ANKS1A: variants seen among roughly 807,000 people sequenced by gnomAD.
The protein encoded by ANKS1A is ankyrin repeat and sterile alpha motif domain containing 1A, also known as ankyrin repeat and SAM domain-containing protein 1A.
Under a neutral mutation model 120.3 loss-of-function variants are expected in ANKS1A, and 55 were observed. The ratio of observed to expected loss-of-function variants is 0.46; its 90% confidence interval spans 0.37 to 0.57. The LOEUF (loss-of-function observed/expected upper bound fraction) is 0.57. Among genes scored for constraint, ANKS1A ranks in the 20% least tolerant of loss-of-function variants. The pLI, the probability that ANKS1A is intolerant of heterozygous loss-of-function variation, is 0.00. For synonymous variants in ANKS1A, 590 were observed against 604.7 expected (o/e 0.98, Z 0.36); for missense variants, 1,123 against 1,480.3 (o/e 0.76, Z 3.96).
rs565028420 is a variant in ANKS1A, at chr6:35,084,734, C to T, written c.3132+476C>T. Among the ~76,000 whole-genome samples, 221 of 152,318 alleles carry T rather than the reference C, an allele frequency of 1.5e-3. 2 individuals are homozygous for T. Among genetic ancestry groups the T allele is most frequent in the African/African-American group, 5.0e-3 (209 of 41,574 alleles). On this transcript the variant is annotated intron_variant, in intron 21 of 23. Transcript: ENST00000360359. The surrounding 1 kb of genome is among the most constrained non-coding windows in gnomAD (Gnocchi z 4.8). ...GGCTGGGCCGCCTCCCAGAAATGCC[C>T]TCTACTTCCCTCTTAGGGGCAGTGG...
chr6:34,933,994 G>T (rs1046106317), intron 1 of ANKS1A, among the ~76,000 whole-genome samples: 5 of 152,158 alleles, frequency 3.3e-5, no homozygotes, highest in African/African-American at 1.2e-4. Context: ...GACGGGAGAA[G>T]AATGGAAGAA....
intron 3 of ANKS1A, among the ~76,000 whole-genome samples, chr6:34,971,103 A>G (rs1323795619): frequency 1.3e-5 from 2 of 152,230 alleles, no homozygotes; most frequent in Non-Finnish European, 2.9e-5. Flanking sequence ...TGTTTTACAT[A>G]CATCAGAACT....
chr6:34,921,292 G>A (rs1181986231), intron 1 of ANKS1A, among the ~76,000 whole-genome samples: 3 of 152,030 alleles, frequency 2.0e-5, no homozygotes, highest in Non-Finnish European at 2.9e-5. Context: ...ACACATTTTC[G>A]TTTGTTTTTT....
At chr6:35,004,356 C>CT (rs1401436492) in intron 10 of ANKS1A, among the ~76,000 whole-genome samples, 9 of 152,138 alleles carry the variant, frequency 5.9e-5, no homozygotes, top group African/African-American at 2.2e-4. Flanking sequence ...GGTGCAGTGG[C>CT]TTACTCCTGT....
intron 10 of ANKS1A, among the ~76,000 whole-genome samples, chr6:35,009,017 G>C (rs926067274): frequency 2.0e-5 from 3 of 152,168 alleles, no homozygotes; most frequent in African/African-American, 7.2e-5. Context: ...GGAACAAAGG[G>C]AACTTGTCAT....
chr6:34,990,650 G>A (rs1772455149), intron 9 of ANKS1A, among the ~76,000 whole-genome samples: 1 of 152,122 alleles, frequency 6.6e-6, no homozygotes. Flanking sequence ...ATTATACCCA[G>A]AACTTTCTAT....
intron 11 of ANKS1A, among the ~76,000 whole-genome samples, chr6:35,048,462 C>T (rs1775823520): frequency 6.6e-6 from 1 of 152,182 alleles, no homozygotes; most frequent in African/African-American, 2.4e-5. Flanking sequence ...TGCCATGCGC[C>T]TTTCCCCTCC....
intron 1 of ANKS1A, among the ~76,000 whole-genome samples, chr6:34,929,691 C>T (rs1337507235): frequency 6.6e-6 from 1 of 152,120 alleles, no homozygotes; most frequent in African/African-American, 2.4e-5. Context: ...CATAATCACA[C>T]TGCTAAAAAG....
At chr6:35,065,937 C>T (rs77184260) in intron 13 of ANKS1A, among the ~76,000 whole-genome samples, 1,862 of 152,322 alleles carry the variant, frequency 0.012, 35 homozygotes, top group African/African-American at 0.042. Flanking sequence ...ACCCTGCTCT[C>T]TATGAAGCTC....
intron 10 of ANKS1A, among the ~76,000 whole-genome samples, chr6:35,005,206 T>C (rs966755309): frequency 6.6e-6 from 1 of 152,182 alleles, no homozygotes; most frequent in South Asian, 2.1e-4. Context: ...TAAATTGCCC[T>C]CCCTTAATGG....
At chr6:34,914,545 A>C (rs1216688910) in intron 1 of ANKS1A, among the ~76,000 whole-genome samples, 2 of 152,184 alleles carry the variant, frequency 1.3e-5, no homozygotes, top group African/African-American at 4.8e-5. Context: ...GGCAAAAAGG[A>C]AACAGTTTTG....
At chr6:34,958,333 A>G (rs941116618) in intron 1 of ANKS1A, among the ~76,000 whole-genome samples, 1 of 152,102 alleles carries the variant, frequency 6.6e-6, no homozygotes, top group Non-Finnish European at 1.5e-5. Flanking sequence ...TGTCTTTTCT[A>G]TTGAATCTAT....
At chr6:34,931,936 A>G (rs985867360) in intron 1 of ANKS1A, among the ~76,000 whole-genome samples, 5 of 152,256 alleles carry the variant, frequency 3.3e-5, no homozygotes, top group African/African-American at 1.2e-4. Flanking sequence ...TAATGAGCAT[A>G]TATTACAGAT....
In ANKS1A at chr6:35,091,165, G is replaced by C; in HGVS notation, c.*2556G>C. On this transcript the variant is annotated 3_prime_UTR_variant, in exon 24 of 24. Coordinates refer to ENST00000360359, the MANE Select transcript of ANKS1A (RefSeq NM_015245.3). Reference sequence around the variant, plus strand: ...TATTTAATCTTTGTCTCTGTATTTTGATACTTGAATGACTTTCCCTTTTGT... The same window carrying C: ...TATTTAATCTTTGTCTCTGTATTTTCATACTTGAATGACTTTCCCTTTTGT... 3.0e-6 allele frequency: 3 copies of C among 985,868 alleles called. No homozygotes were observed. The highest frequency in any genetic ancestry group is 3.6e-6 in the Non-Finnish European group (3 of 829,936). The allele number at this position is 985,868 out of a possible 1,614,324, so 61.1% of individuals were successfully genotyped here.
chr6:34,972,384 G>A (rs1440791754), intron 3 of ANKS1A, among the ~76,000 whole-genome samples: 1 of 152,038 alleles, frequency 6.6e-6, no homozygotes, highest in East Asian at 1.9e-4. Context: ...CATTAATATG[G>A]TTCCAGTAGG....
At chr6:35,048,411 A>G (rs764336708) in intron 11 of ANKS1A, among the ~76,000 whole-genome samples, 4 of 152,182 alleles carry the variant, frequency 2.6e-5, no homozygotes, top group African/African-American at 4.8e-5. Flanking sequence ...CGCCTCGGCA[A>G]GGACAGCCCT....
rs890916891 is a variant in ANKS1A, at chr6:35,078,717, C to T, written c.2283+61C>T. On this transcript the variant is annotated intron_variant, in intron 14 of 23. Transcript: ENST00000360359. ...GGAGCCAGGGCCACCTCCCTAGCAC[C>T]ACCTGCACCAAGAACAGGGGAGGAG... is the stretch of plus-strand genomic sequence containing the variant. 7.4e-6 allele frequency: 11 copies of T among 1,483,186 alleles called. No individual in the cohort carries two copies. In the East Asian group the frequency reaches 2.3e-4, roughly 30 times the overall value. The allele number at this position is 1,483,186 out of a possible 1,614,324, so 91.9% of individuals were successfully genotyped here. A position where few individuals can be genotyped will look rare whatever the true frequency, so the allele number is the denominator to read the frequency against.
chr6:35,048,818 G>T (rs754446730), intron 11 of ANKS1A, among the ~76,000 whole-genome samples: 1 of 152,192 alleles, frequency 6.6e-6, no homozygotes, highest in African/African-American at 2.4e-5. Context: ...TGATGGGATC[G>T]GCACAGAGCA....
chr6:34,998,455 C>T (rs1169013744), intron 10 of ANKS1A, among the ~76,000 whole-genome samples: 2 of 152,112 alleles, frequency 1.3e-5, no homozygotes, highest in Non-Finnish European at 2.9e-5. Context: ...TAGGAACAGA[C>T]CCAAAACCAA....
Sources: allele counts gnomAD v4.1 joint callset (sites outside exome capture counted in the v4.1 genomes callset), GRCh38; gene constraint gnomAD v4.1.1; non-coding constraint Gnocchi (gnomAD v3.1); transcripts MANE v1.5; gene names NCBI Gene and HGNC (gene_info 2026-07-23, HGNC 2026-07-21).